Variants in CHRNA7 observed in about 807,000 individuals in gnomAD.
CHRNA7 encodes the protein cholinergic receptor nicotinic alpha 7 subunit, also known as neuronal acetylcholine receptor subunit alpha-7.
CHRNA7 carries 17 observed loss-of-function variants against 48.0 expected under a neutral mutation model. That is an observed-to-expected ratio of 0.35 (90% CI 0.24 to 0.53). CHRNA7 has a LOEUF of 0.53. Ranked by LOEUF, CHRNA7 falls within the 20% of genes least tolerant of loss-of-function variation. The pLI, the probability that CHRNA7 is intolerant of heterozygous loss-of-function variation, is 0.92. For missense variants in CHRNA7, 155 were observed against 577.7 expected (o/e 0.27, Z 7.50); for synonymous variants, 75 against 242.3 (o/e 0.31, Z 6.41).
intron 4 of CHRNA7, among the ~76,000 whole-genome samples, chr15:32,151,327 TTTATCGA>T (rs2051624076): frequency 6.6e-6 from 1 of 152,150 alleles, no homozygotes; most frequent in South Asian, 2.1e-4. Context: ...CTAAATCTCT[TTTATCGA>T]TCTCCAGGTT....
At chr15:32,154,771 A>C (rs564757747) in intron 5 of CHRNA7, among the ~76,000 whole-genome samples, 138 of 138,570 alleles carry the variant, frequency 1.0e-3, no homozygotes, top group African/African-American at 3.5e-3. Context: ...TCCACACCTA[A>C]CTACCACTCA....
rs1325669959 is a variant in CHRNA7, at chr15:32,172,328, TCTC to T, written c.*3873_*3875del. On this transcript the variant is annotated 3_prime_UTR_variant, in exon 10 of 10. Transcript: ENST00000306901. Reference sequence around the variant, plus strand: ...TTGTTTCTAAGGTATACTTTTGACTTCTCCTTTCCAATGTGTCTCTTATTTCTT... The same window carrying T: ...TTGTTTCTAAGGTATACTTTTGACTTCTTTCCAATGTGTCTCTTATTTCTT... 8.8e-5 allele frequency: 3 copies of T among 33,964 alleles called. 1 individual carries two copies. Among genetic ancestry groups the T allele is most frequent in the Non-Finnish European group, 2.2e-4 (3 of 13,664 alleles). The allele number at this position is 33,964 out of a possible 1,614,324, so 2.1% of individuals were successfully genotyped here. A position where few individuals can be genotyped will look rare whatever the true frequency, so the allele number is the denominator to read the frequency against.
intron 2 of CHRNA7, among the ~76,000 whole-genome samples, chr15:32,056,551 G>T (rs998395663): frequency 6.6e-6 from 1 of 152,102 alleles, no homozygotes; most frequent in Non-Finnish European, 1.5e-5. Context: ...TGTATGATAT[G>T]AAAATAATGT....
In CHRNA7 at chr15:32,030,540, C is replaced by T. The variant is rs555449164; in HGVS notation, c.-55C>T. The T allele has an allele frequency of 7.1e-7, 1 of 1,406,560 alleles. No individual in the cohort carries two copies. The highest frequency in any genetic ancestry group is 9.2e-7 in the Non-Finnish European group (1 of 1,085,792). 87.1% of individuals were successfully genotyped at this position (1,406,560 alleles called of 1,614,324 possible). A position where few individuals can be genotyped will look rare whatever the true frequency, so the allele number is the denominator to read the frequency against. On this transcript the variant is annotated 5_prime_UTR_variant, in exon 1 of 10. Transcript: ENST00000306901. ...GCCTCTGTGGCCGCAGGCGCAGGCC[C>T]GGGCGACAGCCGAGACGTGGAGCGC...
At chr15:32,062,753 A>G (rs1317009203) in intron 2 of CHRNA7, among the ~76,000 whole-genome samples, 1 of 152,088 alleles carries the variant, frequency 6.6e-6, no homozygotes, top group Non-Finnish European at 1.5e-5. Context: ...GCTTCCTACA[A>G]CTTCCTCACA....
At chr15:32,070,120 A>G (rs994564472) in intron 2 of CHRNA7, among the ~76,000 whole-genome samples, 1 of 152,210 alleles carries the variant, frequency 6.6e-6, no homozygotes, top group African/African-American at 2.4e-5. Context: ...TAGTTTAAGT[A>G]TACAGGTTGA....
chr15:32,065,649 C>G (rs777293818), intron 2 of CHRNA7, among the ~76,000 whole-genome samples: 1 of 152,278 alleles, frequency 6.6e-6, no homozygotes, highest in Admixed American at 6.5e-5. Flanking sequence ...CTTAGACTCT[C>G]ACCTCTGACT....
intron 4 of CHRNA7, among the ~76,000 whole-genome samples, chr15:32,112,940 T>G (rs2050788039): frequency 6.6e-6 from 1 of 152,212 alleles, no homozygotes; most frequent in Non-Finnish European, 1.5e-5. Context: ...CTTTTCTGCT[T>G]CTCAAATTAG....
At chr15:32,088,998 C>A (rs994863179) in intron 2 of CHRNA7, among the ~76,000 whole-genome samples, 3 of 152,160 alleles carry the variant, frequency 2.0e-5, no homozygotes, top group Non-Finnish European at 2.9e-5. Flanking sequence ...AATCACCAAA[C>A]CCAAAGTCAC....
chr15:32,123,016 G>A (rs951418439), intron 4 of CHRNA7, among the ~76,000 whole-genome samples: 2 of 152,014 alleles, frequency 1.3e-5, no homozygotes, highest in African/African-American at 4.8e-5. Context: ...AAAAATGAAA[G>A]CAGTTTTAAA....
chr15:32,148,815 T>C (rs1011472413), intron 4 of CHRNA7, among the ~76,000 whole-genome samples: 7 of 152,214 alleles, frequency 4.6e-5, no homozygotes. Context: ...TGGAGCCTCC[T>C]TCGTTCTGGC....
chr15:32,038,099 GT>G (rs1219695240), intron 2 of CHRNA7, among the ~76,000 whole-genome samples: 1 of 146,236 alleles, frequency 6.8e-6, no homozygotes, highest in African/African-American at 2.5e-5. Flanking sequence ...TACATTTTGT[GT>G]ATATGTAAAA....
intron 2 of CHRNA7, among the ~76,000 whole-genome samples, chr15:32,071,615 A>G (rs12101719): frequency 0.042 from 6,364 of 151,962 alleles, 159 homozygotes; most frequent in Middle Eastern, 0.095. Flanking sequence ...ATGGCTTGCT[A>G]CCCTCCCCAG....
intron 2 of CHRNA7, chr15:32,098,865 C>A (rs2050518936): frequency 1.6e-5 from 2 of 122,430 alleles, no homozygotes; most frequent in South Asian, 3.0e-4. Context: ...CTCATCCCCC[C>A]CCACCAACAC....
At chr15:32,115,184 G>T (rs1467768213) in intron 4 of CHRNA7, among the ~76,000 whole-genome samples, 1 of 152,160 alleles carries the variant, frequency 6.6e-6, no homozygotes, top group African/African-American at 2.4e-5. Flanking sequence ...CCCTATCTAG[G>T]GCAAGAGGGA....
chr15:32,037,914 T>G (rs763663213), intron 2 of CHRNA7, among the ~76,000 whole-genome samples: 12 of 151,726 alleles, frequency 7.9e-5, no homozygotes, highest in Non-Finnish European at 1.5e-4. Flanking sequence ...CTTTTTCTTG[T>G]CCTTTTGTAT....
At chr15:32,115,516 T>C (rs1347542805) in intron 4 of CHRNA7, among the ~76,000 whole-genome samples, 1 of 151,896 alleles carries the variant, frequency 6.6e-6, no homozygotes, top group Non-Finnish European at 1.5e-5. Flanking sequence ...CCTCGTCCAC[T>C]CTCCAGCCCT....
chr15:32,100,290 CATTA>C (rs2050548573), intron 2 of CHRNA7: 1 of 152,080 alleles, frequency 6.6e-6, no homozygotes, highest in Admixed American at 6.5e-5. Context: ...TTCACAGGGG[CATTA>C]ATTAATATTT....
At chr15:32,074,822 T>C (rs1481825019) in intron 2 of CHRNA7, among the ~76,000 whole-genome samples, 1 of 151,880 alleles carries the variant, frequency 6.6e-6, no homozygotes, top group African/African-American at 2.4e-5. Flanking sequence ...TAATTTTTTG[T>C]AGTTTCATTA....
Sources: allele counts gnomAD v4.1 joint callset (sites outside exome capture counted in the v4.1 genomes callset), GRCh38; gene constraint gnomAD v4.1.1; transcripts MANE v1.5; gene names NCBI Gene and HGNC (gene_info 2026-07-23, HGNC 2026-07-21).